Variants in AAK1 observed in about 807,000 individuals in gnomAD.
AAK1 encodes the protein AP2-associated protein kinase 1.
A neutral mutation model predicts 116.0 loss-of-function variants in AAK1; 37 were observed. The ratio of observed to expected loss-of-function variants is 0.32; its 90% CI spans 0.25 to 0.42. The LOEUF (loss-of-function observed/expected upper bound fraction) is 0.42. AAK1 is among the 10% of genes least tolerant of loss of function. The pLI is 1.00. For missense variants in AAK1, 919 were observed against 1,170.6 expected, an observed-to-expected ratio of 0.79 and a Z score of 3.14; for synonymous variants, 458 against 439.9, an observed-to-expected ratio of 1.04 and a Z score of -0.51.
chr2:69,477,313 T>C (rs567332989), intron 20 of AAK1, among the ~76,000 whole-genome samples: 3 of 152,144 alleles, frequency 2.0e-5, no homozygotes, highest in Non-Finnish European at 4.4e-5. Flanking sequence ...GGCATAGGAA[T>C]AAGTCACTTG....
At chr2:69,566,580 C>A (rs1281873070) in intron 2 of AAK1, among the ~76,000 whole-genome samples, 3 of 152,256 alleles carry the variant, frequency 2.0e-5, no homozygotes. Flanking sequence ...GAGGCCACAG[C>A]CCAGGCTGAA....
intron 2 of AAK1, among the ~76,000 whole-genome samples, chr2:69,573,042 C>A (rs1024654883): frequency 2.6e-5 from 4 of 152,116 alleles, no homozygotes; most frequent in African/African-American, 9.7e-5. Flanking sequence ...CCCAGCTTCC[C>A]TGAAGCAGAG....
Position 69,489,324 on chromosome 2 carries a change from G to T in AAK1, c.2366-6512C>A, listed in dbSNP as rs139303931. Among the ~76,000 whole-genome samples the T allele has an allele frequency of 8.1e-3, 1,230 of 152,070 alleles. 13 individuals are homozygous for T. Among genetic ancestry groups the T allele is most frequent in the African/African-American group, 0.028 (1,164 of 41,538 alleles). ...AAATTAGCCAGGCGTGGTGGCGCAT[G>T]CCTGTAATCTGAGCTACTCGGGGGG... On this transcript the variant is annotated intron_variant, in intron 17 of 21. Transcript: ENST00000409085.
chr2:69,521,019 A>G (rs1669753998), intron 10 of AAK1, 31 bp from the exon 11 acceptor site: 2 of 1,611,924 alleles, frequency 1.2e-6, no homozygotes, highest in Non-Finnish European at 1.7e-6. Context: ...GGTTCATATT[A>G]AAGTATGGGA....
At chr2:69,636,667 G>C (rs1675459467) in intron 2 of AAK1, among the ~76,000 whole-genome samples, 1 of 151,894 alleles carries the variant, frequency 6.6e-6, no homozygotes, top group Non-Finnish European at 1.5e-5. Flanking sequence ...TAGTGCATCT[G>C]ATGAACTGCT....
At chr2:69,480,614 G>A (rs1388542066) in intron 19 of AAK1, among the ~76,000 whole-genome samples, 1 of 152,014 alleles carries the variant, frequency 6.6e-6, no homozygotes, top group African/African-American at 2.4e-5. Flanking sequence ...AAGAAATACT[G>A]TAACCAGAGA....
In AAK1 at chr2:69,468,234, T is replaced by C. The variant is rs1674552435; in HGVS notation, c.*7635A>G. ...AATACCTTCTTCCTTGCGATTTATG[T>C]GGACAGACATAATCCTAATTTCTCA... On this transcript the variant is annotated 3_prime_UTR_variant, in exon 22 of 22. Transcript: ENST00000409085. 2.0e-6 allele frequency: 2 copies of C among 985,334 alleles called. No homozygotes were observed. The highest frequency in any genetic ancestry group is 1.7e-5 in the African/African-American group (1 of 57,246). The allele number at this position is 985,334 out of a possible 1,614,324, so 61.0% of individuals were successfully genotyped here. A position where few individuals can be genotyped will look rare whatever the true frequency, so the allele number is the denominator to read the frequency against.
intron 16 of AAK1, among the ~76,000 whole-genome samples, chr2:69,500,682 T>TAC (rs1183940721): frequency 9.4e-6 from 1 of 105,846 alleles, no homozygotes; most frequent in Admixed American, 9.7e-5. Context: ...TATATATATA[T>TAC]ATATATATAT....
chr2:69,536,100 G>A (rs148305954), intron 5 of AAK1, among the ~76,000 whole-genome samples: 178 of 152,334 alleles, frequency 1.2e-3, no homozygotes, highest in African/African-American at 4.0e-3. Flanking sequence ...CAGGATAGTA[G>A]GGCAGTATTT....
rs530959821 is a variant in AAK1 at position 69,472,993 on chromosome 2, A to G, written c.*2876T>C. 9 of 983,532 alleles carry G rather than the reference A, an allele frequency of 9.2e-6. No individual in the cohort carries two copies. The African/African-American group carries it at 1.6e-4, about 17-fold the overall frequency. The allele number at this position is 983,532 out of a possible 1,614,324, so 60.9% of individuals were successfully genotyped here. A position where few individuals can be genotyped will look rare whatever the true frequency, so the allele number is the denominator to read the frequency against. ...GTAATAGCAGGAACTACAGAAGATA[A>G]CTGAAGAACATCAGGATTATATAAA... On this transcript the variant is annotated 3_prime_UTR_variant, in exon 22 of 22. Coordinates refer to ENST00000409085, the MANE Select transcript of AAK1 (RefSeq NM_014911.5).
chr2:69,503,739 T>A (rs746606039), intron 16 of AAK1, among the ~76,000 whole-genome samples: 1 of 152,204 alleles, frequency 6.6e-6, no homozygotes, highest in Non-Finnish European at 1.5e-5. Context: ...CAGGCTGGTC[T>A]CAAACTCTTG....
At chr2:69,505,388 A>T (rs1362877368) in intron 16 of AAK1, among the ~76,000 whole-genome samples, 181 bp downstream of exon 16, 1 of 152,170 alleles carries the variant, frequency 6.6e-6, no homozygotes, top group Non-Finnish European at 1.5e-5. Flanking sequence ...TTGATCAGAA[A>T]GCTTTTGAAT....
At chr2:69,493,158 C>CAAAAAAAAAAAAAAAAAAAAAAAAAAAA (rs574490585) in intron 17 of AAK1, among the ~76,000 whole-genome samples, 37 of 37,546 alleles carry the variant, frequency 9.9e-4, no homozygotes, top group South Asian at 1.4e-3. Flanking sequence ...GACTCCGTCT[C>CAAAAAAAAAAAAAAAAAAAAAAAAAAAA]AAAAAAAAAA....
At chr2:69,601,510 A>C (rs1243188165) in intron 2 of AAK1, among the ~76,000 whole-genome samples, 1 of 152,252 alleles carries the variant, frequency 6.6e-6, no homozygotes, top group African/African-American at 2.4e-5. Context: ...CCCAAGGGGC[A>C]CTTATGACCA....
intron 16 of AAK1, among the ~76,000 whole-genome samples, chr2:69,500,698 T>TACACACACACACAC (rs563907265): frequency 1.4e-4 from 9 of 65,098 alleles, no homozygotes; most frequent in African/African-American, 7.1e-4. Context: ...TATATATATA[T>TACACACACACACAC]ACACACACAC....
intron 17 of AAK1, among the ~76,000 whole-genome samples, chr2:69,494,510 CA>C (rs1675662452): frequency 1.3e-5 from 2 of 152,268 alleles, no homozygotes; most frequent in African/African-American, 4.8e-5. Flanking sequence ...TAAGCAACAG[CA>C]AAGCAAGAAC....
intron 5 of AAK1, among the ~76,000 whole-genome samples, chr2:69,540,443 A>G (rs2105047034): frequency 6.6e-6 from 1 of 152,242 alleles, no homozygotes. Flanking sequence ...TTCTACTTAG[A>G]AAAAAAGGGC....
At chr2:69,551,424 T>C (rs1671179599) in intron 3 of AAK1, among the ~76,000 whole-genome samples, 1 of 152,204 alleles carries the variant, frequency 6.6e-6, no homozygotes, top group East Asian at 1.9e-4. Flanking sequence ...AAATAATCTG[T>C]TCCAGATTCT....
rs1674665588 is a variant in AAK1, at chr2:69,471,189, A to G, written c.*4680T>C. On this transcript the variant is annotated 3_prime_UTR_variant, in exon 22 of 22. Coordinates refer to ENST00000409085, the MANE Select transcript of AAK1 (RefSeq NM_014911.5). ...AAGAGTAAATTCAGGTCACTACATC[A>G]AAGTGTGAACCAAGAACGTGTCTTT... is the stretch of plus-strand genomic sequence containing the variant. The G allele has an allele frequency of 2.0e-6, 2 of 985,372 alleles. No individual in the cohort carries two copies. The highest frequency in any genetic ancestry group is 1.2e-4 in the Admixed American group (2 of 16,260). The allele number at this position is 985,372 out of a possible 1,614,324, so 61.0% of individuals were successfully genotyped here. A position where few individuals can be genotyped will look rare whatever the true frequency, so the allele number is the denominator to read the frequency against.
Sources: gnomAD v4.1 joint callset for allele counts (sites outside exome capture counted in the v4.1 genomes callset) on GRCh38, gnomAD v4.1.1 for gene constraint, MANE v1.5 for transcripts, NCBI Gene and HGNC (gene_info 2026-07-23, HGNC 2026-07-21) for gene names.